PDZD2: variants seen among roughly 807,000 people sequenced by gnomAD.
PDZD2 encodes PDZ domain containing 2, also known as PDZ domain-containing protein 2.
A neutral mutation model predicts 220.7 loss-of-function variants in PDZD2; 90 were observed. The ratio of observed to expected loss-of-function variants is 0.41; its 90% CI spans 0.34 to 0.49. The LOEUF (loss-of-function observed/expected upper bound fraction) is 0.49. Ranked by LOEUF, PDZD2 falls within the 20% of genes least tolerant of loss-of-function variation. The pLI is 0.28. For synonymous variants in PDZD2, 1,375 were observed against 1,450.5 expected (o/e 0.95, Z 1.18); for missense variants, 3,174 against 3,608.5 (o/e 0.88, Z 3.08).
At chr5:32,036,456 G>A (rs774667277) in intron 6 of PDZD2, among the ~76,000 whole-genome samples, 2 of 152,152 alleles carry the variant, frequency 1.3e-5, no homozygotes, top group South Asian at 4.1e-4. Context: ...TAAACACTCT[G>A]AAGTGCATGT....
chr5:31,857,214 G>A (rs1230398319), intron 2 of PDZD2, among the ~76,000 whole-genome samples: 1 of 152,080 alleles, frequency 6.6e-6, no homozygotes, highest in Non-Finnish European at 1.5e-5. Context: ...TTTCTAGTTA[G>A]CAAGTACATA....
chr5:31,755,013 G>A lies in PDZD2; in HGVS notation c.-360-43876G>A, dbSNP rs183067399. ...ACTCAACATTGATGTTATAAAAAGC[G>A]CAGAGAAGGATGTTGATGTTGTGTG... On this transcript the variant is annotated intron_variant, in intron 1 of 24. Coordinates refer to ENST00000438447, the MANE Select transcript of PDZD2 (RefSeq NM_178140.4). 7.9e-5 allele frequency among the ~76,000 whole-genome samples: 12 copies of A among 152,310 alleles called. No individual in the cohort carries two copies. In the East Asian group the frequency reaches 1.7e-3, roughly 22 times the overall value.
At position 32,088,714 on chromosome 5, in the gene PDZD2, AGTCT is replaced by A; in HGVS notation, c.5270_5273del (p.Leu1757ProfsTer35). On this transcript the variant is annotated frameshift_variant, in exon 20 of 25. Coordinates refer to ENST00000438447, the MANE Select transcript of PDZD2 (RefSeq NM_178140.4). LOFTEE classifies it high-confidence loss of function. This position sits in a 1 kb window ranked among gnomAD's most constrained non-coding sequence, Gnocchi z 4.6. ...CGAAACAAGCATTAATGCAGCTGCC[AGTCT>A]GTCCTCCTTCAGTGTGGATGTCCCT... 5 of 1,614,160 alleles carry A rather than the reference AGTCT, an allele frequency of 3.1e-6. No homozygotes were observed. Among genetic ancestry groups the A allele is most frequent in the Non-Finnish European group, 4.2e-6 (5 of 1,180,000 alleles).
At chr5:31,687,497 A>G (rs936249353) in intron 1 of PDZD2, among the ~76,000 whole-genome samples, 2 of 152,236 alleles carry the variant, frequency 1.3e-5, no homozygotes, top group African/African-American at 4.8e-5. Context: ...TTTTTCTAGC[A>G]TGCACCTCCA....
intron 1 of PDZD2, among the ~76,000 whole-genome samples, chr5:31,698,926 G>T (rs1747493974): frequency 6.6e-6 from 1 of 152,182 alleles, no homozygotes; most frequent in Admixed American, 6.5e-5. Context: ...GGCAGGCAGA[G>T]GATGTGTCTT....
At chr5:31,711,062 G>A (rs1748078779) in intron 1 of PDZD2, among the ~76,000 whole-genome samples, 1 of 152,168 alleles carries the variant, frequency 6.6e-6, no homozygotes, top group African/African-American at 2.4e-5. Context: ...CCCAGCTGCC[G>A]AGTCTCTCTG....
At chr5:31,997,217 G>A (rs1751706298) in intron 4 of PDZD2, among the ~76,000 whole-genome samples, 1 of 152,194 alleles carries the variant, frequency 6.6e-6, no homozygotes, top group Admixed American at 6.5e-5. Context: ...CTGATTCTAA[G>A]AGGGGTGTGG....
At chr5:31,761,601 C>T (rs1443496896) in intron 1 of PDZD2, among the ~76,000 whole-genome samples, 2 of 151,954 alleles carry the variant, frequency 1.3e-5, no homozygotes, top group Non-Finnish European at 2.9e-5. Flanking sequence ...TGGCTCATGC[C>T]TATAACCCCA....
Position 32,052,733 on chromosome 5 carries a change from G to A in PDZD2, c.1785+3G>A. ...GGTTGTACAAAGAAAAAGGCAAGGT[G>A]AGCTCTTTTCTGCAGACTGTTCTGC... is the stretch of plus-strand genomic sequence containing the variant. On this transcript the variant is annotated splice_donor_region_variant and intron_variant, in intron 9 of 24. Coordinates refer to ENST00000438447, the MANE Select transcript of PDZD2 (RefSeq NM_178140.4). 1 of 1,613,788 alleles carries A rather than the reference G, an allele frequency of 6.2e-7. No individual in the cohort carries two copies. The highest frequency in any genetic ancestry group is 1.1e-5 in the South Asian group (1 of 91,072).
At chr5:31,671,213 T>C (rs1678904) in intron 1 of PDZD2, among the ~76,000 whole-genome samples, 152,260 of 152,296 alleles carry the variant, frequency 1, 76,112 homozygotes, top group Middle Eastern at 1. Context: ...GGAAGATAAG[T>C]GCAAGGAATG....
chr5:32,100,662 G>C, intron 23 of PDZD2: 1 of 363,972 alleles, frequency 2.7e-6, no homozygotes, highest in South Asian at 2.0e-5. Flanking sequence ...GGGCATTTTG[G>C]TGCTGCCAAG....
At chr5:31,914,057 C>T (rs1743447354) in intron 2 of PDZD2, among the ~76,000 whole-genome samples, 1 of 152,178 alleles carries the variant, frequency 6.6e-6, no homozygotes, top group South Asian at 2.1e-4. Flanking sequence ...AACCCAACTA[C>T]AGTGTGCCCC....
chr5:31,793,439 C>T (rs147828750), intron 1 of PDZD2, among the ~76,000 whole-genome samples: 119 of 152,322 alleles, frequency 7.8e-4, no homozygotes, highest in Non-Finnish European at 1.5e-3. Flanking sequence ...CACAGATATT[C>T]TTGTGGCTCA....
chr5:31,936,121 A>T (rs1262303790), intron 2 of PDZD2: 1 of 987,074 alleles, frequency 1.0e-6, no homozygotes, highest in Non-Finnish European at 1.2e-6. Flanking sequence ...TGAAGCCGGG[A>T]GGAGAGAGAG....
rs1347529903 is a variant in PDZD2 at position 31,646,995 on chromosome 5, A to T, written c.-361+7558A>T. 6.6e-6 allele frequency among the ~76,000 whole-genome samples: 1 copy of T among 152,190 alleles called. No individual in the cohort carries two copies. Among genetic ancestry groups the T allele is most frequent in the African/African-American group, 2.4e-5 (1 of 41,448 alleles). ...CTCTCTGGACTTACTGCTCATCTTTAAAAACCTAAGCAGATGTCAGGCTTA... is the reference window on the plus strand; with the variant it reads ...CTCTCTGGACTTACTGCTCATCTTTTAAAACCTAAGCAGATGTCAGGCTTA... On this transcript the variant is annotated intron_variant, in intron 1 of 24. Coordinates refer to ENST00000438447, the MANE Select transcript of PDZD2 (RefSeq NM_178140.4). The surrounding 1 kb of genome is among the most constrained non-coding windows in gnomAD (Gnocchi z 4.7).
chr5:31,978,683 C>G (rs1229317434), intron 2 of PDZD2, among the ~76,000 whole-genome samples: 3 of 143,126 alleles, frequency 2.1e-5, no homozygotes, highest in Non-Finnish European at 4.5e-5. Context: ...CCGCTGCCCT[C>G]TAGCCTGGGC....
intron 2 of PDZD2, among the ~76,000 whole-genome samples, chr5:31,882,790 A>G (rs1040273046): frequency 6.6e-6 from 1 of 151,974 alleles, no homozygotes; most frequent in African/African-American, 2.4e-5. Flanking sequence ...GCACTTTGGG[A>G]GGCCGAGGTG....
rs910819428 is a variant in PDZD2 at position 31,987,004 on chromosome 5, C to G, written c.978+3348C>G. Among the ~76,000 whole-genome samples the G allele has an allele frequency of 5.4e-5, 8 of 147,748 alleles. 1 individual carries two copies. The highest frequency in any genetic ancestry group is 1.2e-4 in the Non-Finnish European group (8 of 67,242). ...CAATAATACATATATAAGCAGATGA[C>G]TATTTAAAAAGACAAAGTTGGGTTT... On this transcript the variant is annotated intron_variant, in intron 3 of 24. Transcript: ENST00000438447.
intron 2 of PDZD2, among the ~76,000 whole-genome samples, chr5:31,949,319 C>T (rs1746964708): frequency 6.6e-6 from 1 of 151,996 alleles, no homozygotes; most frequent in South Asian, 2.1e-4. Context: ...TAAAATAGCA[C>T]TTCAAACCCC....
Sources: gnomAD v4.1 joint callset for allele counts (sites outside exome capture counted in the v4.1 genomes callset) on GRCh38, gnomAD v4.1.1 for gene constraint, Gnocchi (gnomAD v3.1) non-coding constraint, MANE v1.5 for transcripts, NCBI Gene and HGNC (gene_info 2026-07-23, HGNC 2026-07-21) for gene names.